NRCAM: variants seen among roughly 807,000 people sequenced by gnomAD.
The protein encoded by NRCAM is NgCAM-related cell adhesion molecule.
A neutral mutation model predicts 156.5 loss-of-function variants in NRCAM; 83 were observed. That is an observed-to-expected ratio of 0.53 (90% CI 0.44 to 0.64). The LOEUF (loss-of-function observed/expected upper bound fraction) is 0.64. NRCAM is among the 30% of genes least tolerant of loss of function. The pLI is 0.00. For synonymous variants in NRCAM, 538 were observed against 563.9 expected, an observed-to-expected ratio of 0.95 and a Z score of 0.65; for missense variants, 1,417 against 1,597.3, an observed-to-expected ratio of 0.89 and a Z score of 1.92.
intron 1 of NRCAM, among the ~76,000 whole-genome samples, chr7:108,419,334 C>T (rs1806115718): frequency 6.6e-6 from 1 of 152,160 alleles, no homozygotes; most frequent in South Asian, 2.1e-4. Flanking sequence ...TATACATCCT[C>T]CTCCTCTTAA....
intron 2 of NRCAM, among the ~76,000 whole-genome samples, chr7:108,368,224 A>ACCCCCCCCCCCCCCC (rs67897117): frequency 3.1e-3 from 284 of 90,964 alleles, no homozygotes; most frequent in African/African-American, 3.8e-3. Flanking sequence ...ACACTTTCAT[A>ACCCCCCCCCCCCCCC]CCCCCCCCCA....
At chr7:108,359,100 T>C (rs1446033835) in intron 2 of NRCAM, among the ~76,000 whole-genome samples, 1 of 152,210 alleles carries the variant, frequency 6.6e-6, no homozygotes, top group Admixed American at 6.5e-5. Flanking sequence ...GTTTTTGAAA[T>C]GGCTTTCTTT....
chr7:108,380,724 T>C (rs116601688), intron 2 of NRCAM, among the ~76,000 whole-genome samples: 3,383 of 152,212 alleles, frequency 0.022, 126 homozygotes, highest in African/African-American at 0.073. Context: ...TCAGGCTGAG[T>C]ACAGTGACAT....
At chr7:108,271,441 T>A (rs1420853392) in intron 3 of NRCAM, among the ~76,000 whole-genome samples, 3 of 152,162 alleles carry the variant, frequency 2.0e-5, no homozygotes, top group Admixed American at 2.0e-4. Context: ...CTCACACCTG[T>A]AATCCCAGCA....
rs201295525 is a variant in NRCAM, at chr7:108,210,243, G to GTTT, written c.891-641_891-639dup. On this transcript the variant is annotated intron_variant, in intron 11 of 32. Transcript: ENST00000379028. ...TTACTCATACCATTTGTCACCCAAT[G>GTTT]TTTTGTTTTGTTTTTTTTTTTGAGA... Among the ~76,000 whole-genome samples the GTTT allele has an allele frequency of 7.4e-5, 11 of 149,602 alleles. 1 individual carries two copies. The highest frequency in any genetic ancestry group is 2.2e-4 in the African/African-American group (9 of 40,414).
intron 23 of NRCAM, among the ~76,000 whole-genome samples, chr7:108,182,212 T>A (rs753678712): frequency 1.4e-4 from 21 of 151,990 alleles, no homozygotes; most frequent in Non-Finnish European, 2.5e-4. Flanking sequence ...CACGATTTTT[T>A]AAAAAGTACA....
intron 2 of NRCAM, among the ~76,000 whole-genome samples, chr7:108,331,052 A>C (rs1366716499): frequency 6.6e-6 from 1 of 152,200 alleles, no homozygotes; most frequent in Non-Finnish European, 1.5e-5. Context: ...GTACTTTTTT[A>C]CAGAAATATT....
intron 1 of NRCAM, among the ~76,000 whole-genome samples, chr7:108,451,960 T>G (rs771551824): frequency 1.3e-5 from 2 of 152,362 alleles, no homozygotes; most frequent in Non-Finnish European, 2.9e-5. Context: ...ATGTCATATA[T>G]ATTTTACAAT....
chr7:108,439,122 T>C (rs1185407366), intron 1 of NRCAM, among the ~76,000 whole-genome samples: 1 of 152,152 alleles, frequency 6.6e-6, no homozygotes, highest in Non-Finnish European at 1.5e-5. Context: ...GACCTTAAAA[T>C]GTATATGGAA....
chr7:108,308,968 T>C (rs1021202390), intron 3 of NRCAM, among the ~76,000 whole-genome samples: 2 of 152,202 alleles, frequency 1.3e-5, no homozygotes, highest in African/African-American at 4.8e-5. Flanking sequence ...TGTTGCACAT[T>C]GAATTTAATA....
rs201852978 is a variant in NRCAM at position 108,201,753 on chromosome 7, A to AT, written c.1208-3655dup. Among the ~76,000 whole-genome samples, 728 of 152,240 alleles carry AT rather than the reference A, an allele frequency of 4.8e-3. 10 individuals carry two copies. Among genetic ancestry groups the AT allele is most frequent in the African/African-American group, 0.017 (695 of 41,524 alleles). On this transcript the variant is annotated intron_variant, in intron 13 of 32. Coordinates refer to ENST00000379028, the MANE Select transcript of NRCAM (RefSeq NM_001037132.4). ...TTTGCTATCAACTCTTTGGGAAGGT[A>AT]TTTTTTTACCTGAAAGGCATCTGAC...
chr7:108,387,246 A>G (rs1248764917), intron 2 of NRCAM, among the ~76,000 whole-genome samples: 1 of 152,146 alleles, frequency 6.6e-6, no homozygotes, highest in Non-Finnish European at 1.5e-5. Context: ...CAATTTCTCC[A>G]CATACCTTAT....
chr7:108,255,991 G>A lies in NRCAM; in HGVS notation c.-106-15821C>T, dbSNP rs552801422. Among the ~76,000 whole-genome samples the A allele has an allele frequency of 6.3e-3, 921 of 145,896 alleles. 5 individuals are homozygous for A. Among genetic ancestry groups the A allele is most frequent in the Non-Finnish European group, 9.6e-3 (640 of 66,566 alleles). On this transcript the variant is annotated intron_variant, in intron 3 of 32. Coordinates refer to ENST00000379028, the MANE Select transcript of NRCAM (RefSeq NM_001037132.4). ...CAGCCCCCGCCCGGCCAGCTGCCCC[G>A]TCCGGGAGGGAGGTGGGGGCAGCCC...
At chr7:108,335,122 C>T (rs2099165997) in intron 2 of NRCAM, among the ~76,000 whole-genome samples, 1 of 152,132 alleles carries the variant, frequency 6.6e-6, no homozygotes, top group Admixed American at 6.5e-5. Context: ...CCTCAAGCCA[C>T]AGAGCAAGAA....
intron 2 of NRCAM, among the ~76,000 whole-genome samples, chr7:108,375,368 C>A (rs946606143): frequency 2.0e-5 from 3 of 152,132 alleles, no homozygotes; most frequent in Non-Finnish European, 2.9e-5. Context: ...TCTTCTACAG[C>A]CCTTCAAGGA....
chr7:108,168,922 C>A (rs938191841), intron 28 of NRCAM, among the ~76,000 whole-genome samples: 1 of 152,144 alleles, frequency 6.6e-6, no homozygotes, highest in African/African-American at 2.4e-5. Context: ...AAAAAACAGA[C>A]TTCTTTGAGT....
At chr7:108,387,201 C>A (rs961002566) in intron 2 of NRCAM, among the ~76,000 whole-genome samples, 1 of 152,104 alleles carries the variant, frequency 6.6e-6, no homozygotes, top group South Asian at 2.1e-4. Flanking sequence ...CTCCTCATTT[C>A]TTTAATCACT....
chr7:108,409,541 G>A (rs746541779), intron 1 of NRCAM, among the ~76,000 whole-genome samples: 5 of 151,944 alleles, frequency 3.3e-5, no homozygotes, highest in African/African-American at 1.2e-4. Context: ...GTGCCATCTC[G>A]CGCATCACCC....
chr7:108,156,379 A>C, intron 32 of NRCAM: 1 of 984,310 alleles, frequency 1.0e-6, no homozygotes, highest in Non-Finnish European at 1.2e-6. Flanking sequence ...GAATAAAAAA[A>C]TACTTACACT....
Sources: gnomAD v4.1 joint callset for allele counts (sites outside exome capture counted in the v4.1 genomes callset) on GRCh38, gnomAD v4.1.1 for gene constraint, MANE v1.5 for transcripts, NCBI Gene and HGNC (gene_info 2026-07-23, HGNC 2026-07-21) for gene names.